The following TCF12 variants were observed in gnomAD, a reference collection of about 807,000 sequenced individuals.
The protein encoded by TCF12 is transcription factor 12.
Under a neutral mutation model 86.0 loss-of-function variants are expected in TCF12, and 45 were observed. The ratio of observed to expected loss-of-function variants is 0.52; its 90% CI spans 0.41 to 0.67. TCF12 has a LOEUF of 0.67. Among genes scored for constraint, TCF12 ranks in the 30% least tolerant of loss-of-function variants. The probability of loss-of-function intolerance (pLI) is 0.00; values close to 1 mark genes in which losing one functional copy is unlikely to be tolerated. For synonymous variants in TCF12, 330 were observed against 299.6 expected, an observed-to-expected ratio of 1.10 and a Z score of -1.05; for missense variants, 881 against 859.9, an observed-to-expected ratio of 1.02 and a Z score of -0.31.
chr15:56,930,559 T>C (rs755992626), intron 3 of TCF12, among the ~76,000 whole-genome samples: 4 of 152,172 alleles, frequency 2.6e-5, no homozygotes, highest in Non-Finnish European at 2.9e-5. Flanking sequence ...GGGAATAGAG[T>C]TAAAGGGAAA....
chr15:57,202,928 A>G (rs986172290), intron 8 of TCF12, among the ~76,000 whole-genome samples: 92 of 152,204 alleles, frequency 6.0e-4, no homozygotes, highest in African/African-American at 2.1e-3. Flanking sequence ...AGTTCATACC[A>G]CTACAGCCTG....
At chr15:56,992,489 A>G (rs2140977655) in intron 3 of TCF12, among the ~76,000 whole-genome samples, 1 of 152,342 alleles carries the variant, frequency 6.6e-6, no homozygotes, top group African/African-American at 2.4e-5. Flanking sequence ...ATTTGAGTCT[A>G]CTATTGAAAG....
intron 5 of TCF12, among the ~76,000 whole-genome samples, chr15:57,131,530 A>G (rs558894459): frequency 1.7e-4 from 26 of 152,328 alleles, no homozygotes; most frequent in Non-Finnish European, 3.4e-4. Context: ...CTGTAAACCA[A>G]AGGAATGGTT....
chr15:57,030,578 C>T (rs139056081), intron 3 of TCF12, among the ~76,000 whole-genome samples: 22 of 152,112 alleles, frequency 1.4e-4, no homozygotes, highest in Admixed American at 1.3e-3. Context: ...AAAGTAATCA[C>T]GTTCATTAGA....
At chr15:57,053,477 C>A (rs544331952) in intron 3 of TCF12, among the ~76,000 whole-genome samples, 1 of 152,146 alleles carries the variant, frequency 6.6e-6, no homozygotes, top group East Asian at 1.9e-4. Context: ...TAATGTAGTC[C>A]CACTTGTCTG....
intron 1 of TCF12, chr15:56,919,558 G>GGCCCGGCGCGCGGAGC (rs1272434487): frequency 5.3e-6 from 1 of 187,726 alleles, no homozygotes; most frequent in Non-Finnish European, 1.1e-5. Flanking sequence ...GCCGCGGCCG[G>GGCCCGGCGCGCGGAGC]GCCCGGCGCG....
At chr15:57,170,320 G>C (rs1215750647) in intron 6 of TCF12, among the ~76,000 whole-genome samples, 1 of 151,078 alleles carries the variant, frequency 6.6e-6, no homozygotes, top group Non-Finnish European at 1.5e-5. Flanking sequence ...ACCCAGGCTG[G>C]AGTACAGTGG....
At chr15:57,025,424 G>C (rs1367491) in intron 3 of TCF12, among the ~76,000 whole-genome samples, 27,519 of 151,926 alleles carry the variant, frequency 0.18, 2,996 homozygotes, top group Non-Finnish European at 0.24. Context: ...TTTCTTTGGG[G>C]CACTCCTGCT....
At chr15:57,231,055 A>G in intron 8 of TCF12, 97 bp from the exon 9 acceptor site, 2 of 810,634 alleles carry the variant, frequency 2.5e-6, no homozygotes, top group Non-Finnish European at 4.0e-6. Flanking sequence ...AAAATTAGAT[A>G]GGCCTTTTTA....
At chr15:57,224,780 G>A (rs985662750) in intron 8 of TCF12, among the ~76,000 whole-genome samples, 2 of 152,100 alleles carry the variant, frequency 1.3e-5, no homozygotes, top group Non-Finnish European at 1.5e-5. Context: ...AGGCTAATTA[G>A]GTAAAAAGAA....
In TCF12 at chr15:57,205,550, T is replaced by A. The variant is rs184226773; in HGVS notation, c.579+7725T>A. On this transcript the variant is annotated intron_variant, in intron 8 of 20. Transcript: ENST00000333725. ...GGGCTGTTAGATGAGGTATCTCTAT[T>A]TGAAGGCTACTGTGATACAAAATTT... Among the ~76,000 whole-genome samples, 3 of 152,354 alleles carry A rather than the reference T, an allele frequency of 2.0e-5. No homozygotes were observed. In the East Asian group the frequency reaches 5.8e-4, roughly 29 times the overall value.
chr15:57,219,270 C>T, intron 8 of TCF12: 9 of 1,177,992 alleles, frequency 7.6e-6, no homozygotes, highest in East Asian at 7.2e-5. Context: ...TTTTTAATAC[C>T]TCAAATTTTG....
At chr15:57,242,615 C>T (rs1199651455) in intron 12 of TCF12, among the ~76,000 whole-genome samples, 2 of 152,148 alleles carry the variant, frequency 1.3e-5, no homozygotes, top group Non-Finnish European at 2.9e-5. Flanking sequence ...TTGCAGTAAG[C>T]TGAGATTGCG....
intron 3 of TCF12, among the ~76,000 whole-genome samples, chr15:56,930,390 C>A (rs567364096): frequency 6.6e-6 from 1 of 152,198 alleles, no homozygotes; most frequent in African/African-American, 2.4e-5. Flanking sequence ...GGGTAAGAAT[C>A]TTTGAGTTCT....
chr15:57,116,449 G>A (rs535802949), intron 5 of TCF12, among the ~76,000 whole-genome samples: 33 of 152,182 alleles, frequency 2.2e-4, no homozygotes, highest in African/African-American at 7.9e-4. Flanking sequence ...AGTCTCAAGA[G>A]ATGCTCCCAC....
At chr15:57,243,780 T>C (rs2059733635) in intron 13 of TCF12, among the ~76,000 whole-genome samples, 1 of 152,208 alleles carries the variant, frequency 6.6e-6, no homozygotes, top group Non-Finnish European at 1.5e-5. Context: ...ATGTAATTTG[T>C]GATCATTTCT....
In TCF12 at chr15:57,262,143, T is replaced by G; in HGVS notation, c.1517T>G (p.Val506Gly). 2 of 1,613,808 alleles carry G rather than the reference T, an allele frequency of 1.2e-6. No individual in the cohort carries two copies. The highest frequency in any genetic ancestry group is 1.7e-6 in the Non-Finnish European group (2 of 1,179,788). The change falls in exon 17 of 21, where the codon GTC becomes GGC. Residue 506 changes from valine (V) to glycine (G), a missense_variant. By Grantham distance (109) the Val-to-Gly change is moderately radical (BLOSUM62 -3). Coordinates refer to ENST00000333725, the MANE Select transcript of TCF12 (RefSeq NM_207037.2). The stretch of plus-strand genomic sequence containing the variant: ...GTCAGTCTCAATGGCAATCATTCAG[T>G]CCTGTCTAGTACAGTCACTACTTCA... ...DSVSLNGNHS[V>G]LSSTVTTSST...
At chr15:56,983,953 G>T (rs2063019937) in intron 3 of TCF12, among the ~76,000 whole-genome samples, 2 of 127,120 alleles carry the variant, frequency 1.6e-5, no homozygotes, top group African/African-American at 5.8e-5. Flanking sequence ...AGTAAACTAT[G>T]ATTGTGCCAC....
At chr15:57,195,514 A>T (rs1444191764) in intron 7 of TCF12, among the ~76,000 whole-genome samples, 1 of 152,190 alleles carries the variant, frequency 6.6e-6, no homozygotes, top group African/African-American at 2.4e-5. Flanking sequence ...ATAAATACAG[A>T]GTGTGCCAGA....
Sources: allele counts gnomAD v4.1 joint callset (sites outside exome capture counted in the v4.1 genomes callset), GRCh38; gene constraint gnomAD v4.1.1; transcripts MANE v1.5; gene names NCBI Gene and HGNC (gene_info 2026-07-23, HGNC 2026-07-21).